The following CCDC60 variants were observed in gnomAD, a reference collection of about 807,000 sequenced individuals.
The protein encoded by CCDC60 is coiled-coil domain-containing protein 60.
Under a neutral mutation model 63.5 loss-of-function variants are expected in CCDC60, and 54 were observed. The ratio of observed to expected loss-of-function variants is 0.85; its 90% CI spans 0.68 to 1.07. The LOEUF (loss-of-function observed/expected upper bound fraction) is 1.07, where lower values mean the gene tolerates loss of function less well. Among genes scored for constraint, CCDC60 ranks in the 50% least tolerant of loss-of-function variants. CCDC60 has a pLI of 0.00. For synonymous variants in CCDC60, 206 were observed against 238.8 expected (o/e 0.86, Z 1.27); for missense variants, 651 against 684.3 (o/e 0.95, Z 0.54).
chr12:119,523,032 G>A lies in CCDC60; in HGVS notation c.1103+31G>A, dbSNP rs79176216. 1,409 of 1,593,654 alleles carry A rather than the reference G, an allele frequency of 8.8e-4. 14 individuals are homozygous for A. The African/African-American group carries it at 0.016, about 18-fold the overall frequency. On this transcript the variant is annotated intron_variant, in intron 10 of 13. Coordinates refer to ENST00000327554, the MANE Select transcript of CCDC60 (RefSeq NM_178499.5). The stretch of plus-strand genomic sequence containing the variant: ...CCAGGAGGGCAATGGAAGGAACCAC[G>A]CAAGAGGGAATATGGTGACCACACC...
rs202186474 is a variant in CCDC60, at chr12:119,500,182, C to A, written c.648+14C>A. On this transcript the variant is annotated intron_variant, in intron 6 of 13. Coordinates refer to ENST00000327554, the MANE Select transcript of CCDC60 (RefSeq NM_178499.5). Reference sequence around the variant, plus strand: ...ACAGCGCCAAAGGTAACCAACAACACGCGACTCAACCCTTTGGCTCCTAGG... The same window carrying A: ...ACAGCGCCAAAGGTAACCAACAACAAGCGACTCAACCCTTTGGCTCCTAGG... The A allele has an allele frequency of 1.3e-6, 2 of 1,537,738 alleles. No individual in the cohort carries two copies. The highest frequency in any genetic ancestry group is 1.8e-6 in the Non-Finnish European group (2 of 1,115,858).
chr12:119,517,767 C>T (rs893365353), intron 8 of CCDC60, among the ~76,000 whole-genome samples: 6 of 152,052 alleles, frequency 3.9e-5, no homozygotes, highest in Non-Finnish European at 7.4e-5. Flanking sequence ...AGTTTCAAGC[C>T]AGCAACCGAT....
intron 2 of CCDC60, among the ~76,000 whole-genome samples, chr12:119,430,822 G>T (rs1950217191): frequency 6.6e-6 from 1 of 152,168 alleles, no homozygotes. Context: ...TATGTCTGTT[G>T]TTTAAGCTGC....
chr12:119,427,245 T>C (rs1360753072), intron 1 of CCDC60, among the ~76,000 whole-genome samples: 1 of 152,232 alleles, frequency 6.6e-6, no homozygotes, highest in African/African-American at 2.4e-5. Flanking sequence ...TTTGGAGCTA[T>C]GTCATTTCAT....
intron 1 of CCDC60, among the ~76,000 whole-genome samples, chr12:119,398,383 G>A (rs746374649): frequency 6.6e-6 from 1 of 152,140 alleles, no homozygotes; most frequent in African/African-American, 2.4e-5. Flanking sequence ...TGGCCTGGGA[G>A]CATGGCACGC....
intron 1 of CCDC60, among the ~76,000 whole-genome samples, chr12:119,365,808 C>T (rs1168110045): frequency 1.3e-5 from 2 of 152,154 alleles, no homozygotes; most frequent in African/African-American, 4.8e-5. Flanking sequence ...GATTAGAATA[C>T]CAGCGGAAGC....
At chr12:119,335,918 T>G (rs1424814055) in intron 1 of CCDC60, among the ~76,000 whole-genome samples, 1 of 151,838 alleles carries the variant, frequency 6.6e-6, no homozygotes, top group African/African-American at 2.4e-5. Flanking sequence ...TCTTCTAGGG[T>G]TTTTATGGTT....
intron 2 of CCDC60, among the ~76,000 whole-genome samples, chr12:119,457,033 T>C (rs1374873844): frequency 6.6e-6 from 1 of 152,212 alleles, no homozygotes; most frequent in Non-Finnish European, 1.5e-5. Flanking sequence ...TATACACCTC[T>C]GACACAAGCA....
At chr12:119,368,542 TA>T (rs1445641298) in intron 1 of CCDC60, among the ~76,000 whole-genome samples, 1 of 152,040 alleles carries the variant, frequency 6.6e-6, no homozygotes, top group East Asian at 1.9e-4. Context: ...GGCCTCACAA[TA>T]AAGAATTACG....
In CCDC60 at chr12:119,358,930, T is replaced by C. The variant is rs559274324; in HGVS notation, c.90+23664T>C. 2.0e-5 allele frequency among the ~76,000 whole-genome samples: 3 copies of C among 152,356 alleles called. No homozygotes were observed. The South Asian group carries it at 6.2e-4, about 32-fold the overall frequency. ...ATGAATGTTTTTTGTACAATGCCTT[T>C]TGGTGAATAAATGTAGATTTCCCAT... On this transcript the variant is annotated intron_variant, in intron 1 of 13. Transcript: ENST00000327554.
chr12:119,368,195 G>A (rs1405817410), intron 1 of CCDC60, among the ~76,000 whole-genome samples: 1 of 117,134 alleles, frequency 8.5e-6, no homozygotes, highest in Non-Finnish European at 1.8e-5. Context: ...AAAGGAGGGG[G>A]AAGGGCAGGA....
chr12:119,422,164 G>A (rs768589246), intron 1 of CCDC60, among the ~76,000 whole-genome samples: 2 of 152,162 alleles, frequency 1.3e-5, no homozygotes, highest in Admixed American at 6.5e-5. Flanking sequence ...AAAGAACGGA[G>A]TCATCACCGG....
chr12:119,488,114 C>T (rs1257766368), intron 4 of CCDC60, among the ~76,000 whole-genome samples: 1 of 152,198 alleles, frequency 6.6e-6, no homozygotes. Flanking sequence ...TCATTCCCAG[C>T]CTGAGACATA....
At chr12:119,453,898 G>GTGATGA (rs377413915) in intron 2 of CCDC60, among the ~76,000 whole-genome samples, 20 of 151,928 alleles carry the variant, frequency 1.3e-4, no homozygotes, top group African/African-American at 3.4e-4. Flanking sequence ...TTTGATGATT[G>GTGATGA]TGATGATGAT....
chr12:119,348,551 A>T (rs538616908), intron 1 of CCDC60, among the ~76,000 whole-genome samples: 1 of 152,284 alleles, frequency 6.6e-6, no homozygotes, highest in East Asian at 1.9e-4. Flanking sequence ...CTGCTCTGTG[A>T]CCTTACACTA....
intron 2 of CCDC60, among the ~76,000 whole-genome samples, chr12:119,444,070 G>A (rs144731479): frequency 2.7e-4 from 41 of 152,318 alleles, no homozygotes; most frequent in African/African-American, 8.9e-4. Context: ...CTTATTATCT[G>A]TGCAGGGACC....
chr12:119,421,002 A>G (rs1956802134), intron 1 of CCDC60, among the ~76,000 whole-genome samples: 1 of 152,182 alleles, frequency 6.6e-6, no homozygotes, highest in Non-Finnish European at 1.5e-5. Flanking sequence ...TTTGTTAATC[A>G]GCAAGCTCGC....
chr12:119,482,637 G>A (rs180784331), intron 4 of CCDC60, among the ~76,000 whole-genome samples: 1 of 152,298 alleles, frequency 6.6e-6, no homozygotes, highest in African/African-American at 2.4e-5. Flanking sequence ...GGCTCTGGCT[G>A]CATTTGATGA....
chr12:119,411,579 C>G (rs959291178), intron 1 of CCDC60, among the ~76,000 whole-genome samples: 3 of 152,042 alleles, frequency 2.0e-5, no homozygotes, highest in Non-Finnish European at 4.4e-5. Flanking sequence ...ATCCAAGACC[C>G]TTGTGATGGG....
Sources: allele counts gnomAD v4.1 joint callset (sites outside exome capture counted in the v4.1 genomes callset), GRCh38; gene constraint gnomAD v4.1.1; transcripts MANE v1.5; gene names NCBI Gene and HGNC (gene_info 2026-07-23, HGNC 2026-07-21).